Variants in SLC9A9 observed in about 807,000 individuals in gnomAD.
The protein encoded by SLC9A9 is solute carrier family 9 member A9, also known as sodium/hydrogen exchanger 9.
In SLC9A9, 62 loss-of-function variants were observed where a neutral mutation model predicts 77.8. The ratio of observed to expected loss-of-function variants is 0.80; its 90% CI spans 0.65 to 0.98. SLC9A9 has a LOEUF of 0.98. SLC9A9 is among the 50% of genes least tolerant of loss of function. SLC9A9 has a pLI of 0.00. For missense variants in SLC9A9, 775 were observed against 774.9 expected (o/e 1.00, Z 0.00); for synonymous variants, 320 against 283.5 (o/e 1.13, Z -1.29).
At chr3:143,715,184 A>G (rs1030963201) in intron 4 of SLC9A9, among the ~76,000 whole-genome samples, 4 of 67,460 alleles carry the variant, frequency 5.9e-5, no homozygotes, top group African/African-American at 2.7e-4. Context: ...ATGGACTAAT[A>G]TAGGTTCTTT....
chr3:143,577,489 A>G (rs561020320), intron 7 of SLC9A9, among the ~76,000 whole-genome samples: 5 of 152,326 alleles, frequency 3.3e-5, no homozygotes, highest in African/African-American at 1.2e-4. Context: ...AGGGTATTAT[A>G]CTATTCCAGA....
chr3:143,301,553 G>A (rs1007362232), intron 14 of SLC9A9, among the ~76,000 whole-genome samples: 24 of 152,186 alleles, frequency 1.6e-4, no homozygotes, highest in Non-Finnish European at 2.9e-4. Flanking sequence ...GAATAGCTGG[G>A]TGTTAGGGCC....
intron 1 of SLC9A9, among the ~76,000 whole-genome samples, chr3:143,841,233 C>T (rs527348925): frequency 1.4e-4 from 21 of 152,180 alleles, no homozygotes; most frequent in African/African-American, 4.1e-4. Flanking sequence ...AACACACCTA[C>T]GTTTAAGATA....
At chr3:143,774,657 A>C (rs2007632863) in intron 4 of SLC9A9, among the ~76,000 whole-genome samples, 1 of 152,036 alleles carries the variant, frequency 6.6e-6, no homozygotes, top group Non-Finnish European at 1.5e-5. Context: ...ATAACTTATA[A>C]CAAGGAAAAA....
intron 4 of SLC9A9, among the ~76,000 whole-genome samples, chr3:143,739,821 A>G (rs1408066303): frequency 2.0e-5 from 3 of 152,174 alleles, no homozygotes; most frequent in African/African-American, 7.2e-5. Context: ...TTTGTTAGAA[A>G]TGAAAACTCT....
At chr3:143,799,595 C>T (rs535116566) in intron 2 of SLC9A9, among the ~76,000 whole-genome samples, 77 of 152,320 alleles carry the variant, frequency 5.1e-4, no homozygotes, top group Non-Finnish European at 9.4e-4. Flanking sequence ...CAAGGAATGC[C>T]CGCAGACCAG....
intron 9 of SLC9A9, among the ~76,000 whole-genome samples, chr3:143,531,188 G>C (rs994762830): frequency 6.6e-6 from 1 of 152,198 alleles, no homozygotes; most frequent in African/African-American, 2.4e-5. Context: ...CCATTTATGA[G>C]TGAATCTGAT....
At chr3:143,712,878 A>T (rs1191560643) in intron 4 of SLC9A9, among the ~76,000 whole-genome samples, 1 of 152,142 alleles carries the variant, frequency 6.6e-6, no homozygotes, top group Admixed American at 6.5e-5. Flanking sequence ...TTGGGAAGAG[A>T]TTACTCCTTT....
chr3:143,329,506 C>A (rs1338522419), intron 14 of SLC9A9, among the ~76,000 whole-genome samples: 1 of 152,102 alleles, frequency 6.6e-6, no homozygotes, highest in Non-Finnish European at 1.5e-5. Flanking sequence ...GGAGGGGGTG[C>A]AAATAACATT....
At chr3:143,801,907 A>G (rs1480664730) in intron 2 of SLC9A9, among the ~76,000 whole-genome samples, 1 of 152,174 alleles carries the variant, frequency 6.6e-6, no homozygotes, top group Non-Finnish European at 1.5e-5. Context: ...ACTACACAAG[A>G]GTCCTCCATC....
At chr3:143,778,508 G>T (rs2007769917) in intron 4 of SLC9A9, among the ~76,000 whole-genome samples, 1 of 152,084 alleles carries the variant, frequency 6.6e-6, no homozygotes, top group South Asian at 2.1e-4. Context: ...ACGGTTTTCA[G>T]AACTGTGTAT....
intron 15 of SLC9A9, among the ~76,000 whole-genome samples, chr3:143,268,440 G>C (rs1180083980): frequency 6.6e-6 from 1 of 152,104 alleles, no homozygotes; most frequent in Non-Finnish European, 1.5e-5. Flanking sequence ...TTTAAAAAAT[G>C]CTTCCTCCTC....
At chr3:143,581,659 G>C (rs907945877) in intron 6 of SLC9A9, among the ~76,000 whole-genome samples, 1 of 152,146 alleles carries the variant, frequency 6.6e-6, no homozygotes, top group Admixed American at 6.5e-5. Flanking sequence ...TTAAAAAGGC[G>C]ATCATGTTGT....
intron 9 of SLC9A9, among the ~76,000 whole-genome samples, chr3:143,496,956 A>G (rs1258688775): frequency 6.6e-6 from 1 of 152,082 alleles, no homozygotes; most frequent in Non-Finnish European, 1.5e-5. Flanking sequence ...TCTACTCGCT[A>G]TGTCCTCACA....
chr3:143,501,740 C>T (rs1282433067), intron 9 of SLC9A9, among the ~76,000 whole-genome samples: 2 of 150,886 alleles, frequency 1.3e-5, no homozygotes, highest in African/African-American at 5.0e-5. Context: ...CTATTTATAT[C>T]ACGTAACAAC....
intron 9 of SLC9A9, among the ~76,000 whole-genome samples, chr3:143,550,443 C>A (rs1479520102): frequency 6.6e-6 from 1 of 152,112 alleles, no homozygotes; most frequent in African/African-American, 2.4e-5. Flanking sequence ...ATCAGCTTGG[C>A]CTCTGGACTC....
intron 9 of SLC9A9, among the ~76,000 whole-genome samples, chr3:143,527,131 T>C (rs1489566715): frequency 3.9e-5 from 6 of 152,242 alleles, no homozygotes; most frequent in Non-Finnish European, 7.3e-5. Flanking sequence ...GATGAGATGA[T>C]AGCACATTTC....
intron 14 of SLC9A9, among the ~76,000 whole-genome samples, chr3:143,335,434 G>A (rs189390178): frequency 3.9e-5 from 6 of 152,192 alleles, no homozygotes; most frequent in African/African-American, 9.6e-5. Context: ...TAAAATTCAC[G>A]TGAATCTCAA....
intron 14 of SLC9A9, among the ~76,000 whole-genome samples, chr3:143,304,368 C>G (rs957968710): frequency 6.6e-6 from 1 of 152,198 alleles, no homozygotes; most frequent in African/African-American, 2.4e-5. Flanking sequence ...ATATGTTTGA[C>G]TCCAGAAGCA....
Sources: gnomAD v4.1 joint callset for allele counts (sites outside exome capture counted in the v4.1 genomes callset) on GRCh38, gnomAD v4.1.1 for gene constraint, MANE v1.5 for transcripts, NCBI Gene and HGNC (gene_info 2026-07-23, HGNC 2026-07-21) for gene names.